ATP9B: variants seen among roughly 807,000 people sequenced by gnomAD.
The protein encoded by ATP9B is ATPase phospholipid transporting 9B.
In ATP9B, 110 loss-of-function variants were observed where a neutral mutation model predicts 146.1. The observed-to-expected ratio is 0.75, with a 90% CI of 0.65 to 0.88. The LOEUF (loss-of-function observed/expected upper bound fraction) is 0.88. Ranked by LOEUF, ATP9B falls within the 40% of genes least tolerant of loss-of-function variation. ATP9B has a pLI of 0.00. For missense variants in ATP9B, 1,499 were observed against 1,496.4 expected, an observed-to-expected ratio of 1.00 and a Z score of -0.03; for synonymous variants, 604 against 569.7, an observed-to-expected ratio of 1.06 and a Z score of -0.86.
intron 26 of ATP9B, among the ~76,000 whole-genome samples, chr18:79,370,267 CATTTT>C (rs2097061228): frequency 2.0e-5 from 3 of 152,124 alleles, no homozygotes; most frequent in Non-Finnish European, 4.4e-5. Flanking sequence ...TTTCATGGCT[CATTTT>C]ATTTCATGCA....
At chr18:79,357,745 GT>G (rs1481750907) in intron 25 of ATP9B, among the ~76,000 whole-genome samples, 1 of 5,456 alleles carries the variant, frequency 1.8e-4, no homozygotes. Flanking sequence ...GGGACCCTGT[GT>G]GAGGGATGCT....
At chr18:79,085,018 A>C (rs2073673156) in intron 1 of ATP9B, 1 of 151,960 alleles carries the variant, frequency 6.6e-6, no homozygotes, top group Admixed American at 6.6e-5. Flanking sequence ...AAAAAAAAAA[A>C]AGGTTTAATT....
intron 25 of ATP9B, among the ~76,000 whole-genome samples, chr18:79,350,345 C>T (rs1259878908): frequency 1.3e-5 from 2 of 152,254 alleles, no homozygotes; most frequent in Admixed American, 1.3e-4. Context: ...CTGTTTTAGG[C>T]CCCTGCCTGC....
chr18:79,137,664 C>T (rs902763963), intron 5 of ATP9B, among the ~76,000 whole-genome samples: 4 of 152,218 alleles, frequency 2.6e-5, no homozygotes, highest in African/African-American at 9.6e-5. Flanking sequence ...GCATGTTCTC[C>T]TTCAGGAACT....
rs774574447 is a variant in ATP9B, at chr18:79,240,497, G to A, written c.1108-12884G>A. Among the ~76,000 whole-genome samples, 11 of 152,366 alleles carry A rather than the reference G, an allele frequency of 7.2e-5. No individual in the cohort carries two copies. The South Asian group carries it at 2.3e-3, about 32-fold the overall frequency. On this transcript the variant is annotated intron_variant, in intron 11 of 29. Coordinates refer to ENST00000426216, the MANE Select transcript of ATP9B (RefSeq NM_198531.5). ...ACACAGGCTCACGCCTGTAATGCCA[G>A]CACTTTGGGAGGCTGAGGCAGGCGG...
intron 9 of ATP9B, among the ~76,000 whole-genome samples, chr18:79,206,286 A>T (rs2095532860): frequency 6.6e-6 from 1 of 152,200 alleles, no homozygotes; most frequent in African/African-American, 2.4e-5. Context: ...ATACATTTTT[A>T]AAATATATGT....
chr18:79,153,201 G>A (rs1195089720), intron 6 of ATP9B, among the ~76,000 whole-genome samples: 2 of 152,006 alleles, frequency 1.3e-5, no homozygotes, highest in Admixed American at 6.5e-5. Context: ...CTTTACTTAG[G>A]TCTCAAAAAT....
chr18:79,076,019 G>T (rs2072571041), intron 1 of ATP9B, among the ~76,000 whole-genome samples: 1 of 152,108 alleles, frequency 6.6e-6, no homozygotes, highest in Non-Finnish European at 1.5e-5. Flanking sequence ...TTTAACGGTT[G>T]TTGGGTAAAG....
At chr18:79,321,158 G>T (rs1297210844) in intron 15 of ATP9B, among the ~76,000 whole-genome samples, 1 of 152,124 alleles carries the variant, frequency 6.6e-6, no homozygotes, top group Non-Finnish European at 1.5e-5. Context: ...CCACACTTAC[G>T]TGCTGCAGAG....
intron 25 of ATP9B, chr18:79,352,384 G>C (rs1296462006): frequency 6.6e-6 from 1 of 152,214 alleles, no homozygotes; most frequent in Non-Finnish European, 1.5e-5. Flanking sequence ...GGGAGGCTCT[G>C]TGGGTTTATC....
At chr18:79,237,339 G>A (rs1471288995) in intron 11 of ATP9B, among the ~76,000 whole-genome samples, 1 of 147,376 alleles carries the variant, frequency 6.8e-6, no homozygotes, top group African/African-American at 2.6e-5. Flanking sequence ...TCCCCACTGT[G>A]TGCACGGTCC....
intron 15 of ATP9B, among the ~76,000 whole-genome samples, chr18:79,312,225 G>A (rs1375458901): frequency 6.6e-6 from 1 of 152,218 alleles, no homozygotes; most frequent in Non-Finnish European, 1.5e-5. Context: ...ATGATGGTGG[G>A]TACATGTGGA....
In ATP9B at chr18:79,155,592, GTTA is replaced by G. The variant is rs1198099317; in HGVS notation, c.778+1043_778+1045del. 2.6e-5 allele frequency among the ~76,000 whole-genome samples: 4 copies of G among 152,014 alleles called. No individual in the cohort carries two copies. In the South Asian group the frequency reaches 8.3e-4, roughly 32 times the overall value. On this transcript the variant is annotated intron_variant, in intron 7 of 29. Coordinates refer to ENST00000426216, the MANE Select transcript of ATP9B (RefSeq NM_198531.5). Reference sequence around the variant, plus strand: ...GTAGTTTTTATAGGAAGCTAAGCATGTTATTATTTTTATTAAAAACTCATCATA... The same window carrying G: ...GTAGTTTTTATAGGAAGCTAAGCATGTTATTTTTATTAAAAACTCATCATA...
At chr18:79,173,451 A>G (rs1276164239) in intron 7 of ATP9B, among the ~76,000 whole-genome samples, 1 of 150,768 alleles carries the variant, frequency 6.6e-6, no homozygotes, top group Non-Finnish European at 1.5e-5. Context: ...TTTTGTCCTA[A>G]AAGTTTTACA....
chr18:79,122,453 A>G (rs2094206109), intron 4 of ATP9B, among the ~76,000 whole-genome samples: 1 of 152,206 alleles, frequency 6.6e-6, no homozygotes, highest in South Asian at 2.1e-4. Flanking sequence ...CAAGACTACT[A>G]CTAAAATAAT....
At chr18:79,110,182 A>T (rs1009272716) in intron 2 of ATP9B, among the ~76,000 whole-genome samples, 173 bp from the exon 3 acceptor site, 14 of 152,200 alleles carry the variant, frequency 9.2e-5, no homozygotes, top group Non-Finnish European at 1.8e-4. Flanking sequence ...GTCAAATTTA[A>T]ATTTGTGTAA....
At chr18:79,231,386 A>T (rs928974487) in intron 11 of ATP9B, among the ~76,000 whole-genome samples, 1 of 152,210 alleles carries the variant, frequency 6.6e-6, no homozygotes, top group African/African-American at 2.4e-5. Flanking sequence ...CAACAAATAT[A>T]TGAAAAAATG....
chr18:79,279,208 C>T (rs1042924494), intron 13 of ATP9B, among the ~76,000 whole-genome samples: 5 of 151,364 alleles, frequency 3.3e-5, no homozygotes, highest in South Asian at 2.1e-4. Flanking sequence ...AGCACTCATG[C>T]GCCCCCTGTG....
intron 6 of ATP9B, chr18:79,146,768 T>C (rs989696194): frequency 6.4e-6 from 1 of 155,202 alleles, no homozygotes; most frequent in African/African-American, 2.4e-5. Context: ...ATCTGCCTAC[T>C]TCCATGACTG....
Sources: allele counts gnomAD v4.1 joint callset (sites outside exome capture counted in the v4.1 genomes callset), GRCh38; gene constraint gnomAD v4.1.1; transcripts MANE v1.5; gene names NCBI Gene and HGNC (gene_info 2026-07-23, HGNC 2026-07-21).